The following C16orf87 variants were observed in gnomAD, a reference collection of about 807,000 sequenced individuals.
C16orf87 encodes HDAC and MIER1 interacting protein 1.
Under a neutral mutation model 21.0 loss-of-function variants are expected in C16orf87, and 13 were observed. The observed-to-expected ratio is 0.62, with a 90% CI of 0.40 to 0.98. The LOEUF (loss-of-function observed/expected upper bound fraction) is 0.98. C16orf87 is among the 50% of genes least tolerant of loss of function. The pLI is 0.00. For missense variants in C16orf87, 113 were observed against 180.4 expected, an observed-to-expected ratio of 0.63 and a Z score of 2.14; for synonymous variants, 49 against 60.2, an observed-to-expected ratio of 0.81 and a Z score of 0.86.
chr16:46,829,753 C>T (rs185002622), intron 1 of C16orf87, among the ~76,000 whole-genome samples: 4 of 152,230 alleles, frequency 2.6e-5, no homozygotes, highest in Non-Finnish European at 4.4e-5. Context: ...CACTGTATTT[C>T]TTGCACAACC....
Position 46,799,284 on chromosome 16 carries a change from A to C in C16orf87, c.*3668T>G, listed in dbSNP as rs1329431415. ...GGCAGCACAAAAGAATAATTTAAAA[A>C]AATAGTTCCCTAGAAAATAGATCCT... On this transcript the variant is annotated 3_prime_UTR_variant, in exon 4 of 4. Transcript: ENST00000285697. 2 of 152,218 alleles carry C rather than the reference A, an allele frequency of 1.3e-5. No homozygotes were observed. Among genetic ancestry groups the C allele is most frequent in the African/African-American group, 4.8e-5 (2 of 41,464 alleles). 9.4% of individuals were successfully genotyped at this position (152,218 alleles called of 1,614,324 possible). A position where few individuals can be genotyped will look rare whatever the true frequency, so the allele number is the denominator to read the frequency against.
chr16:46,818,712 T>C (rs914966352), intron 2 of C16orf87, among the ~76,000 whole-genome samples: 3 of 152,186 alleles, frequency 2.0e-5, no homozygotes, highest in Non-Finnish European at 4.4e-5. Context: ...AAATTTGAGA[T>C]AGAGTCTCAC....
Position 46,798,103 on chromosome 16 carries a change from C to T in C16orf87, c.*4849G>A, listed in dbSNP as rs955002123. 4.6e-5 allele frequency: 7 copies of T among 151,882 alleles called. No individual in the cohort carries two copies. The highest frequency in any genetic ancestry group is 1.5e-4 in the African/African-American group (6 of 41,320). 9.4% of individuals were successfully genotyped at this position (151,882 alleles called of 1,614,324 possible). A position where few individuals can be genotyped will look rare whatever the true frequency, so the allele number is the denominator to read the frequency against. On this transcript the variant is annotated 3_prime_UTR_variant, in exon 4 of 4. Transcript: ENST00000285697. ...TTTTAAAATCAATGATCTGAGCTTC[C>T]GCCACAATAAGCTAGAAAAGGGAGC...
Position 46,796,867 on chromosome 16 carries a change from C to G in C16orf87, c.*6085G>C, listed in dbSNP as rs1171520523. 6.6e-6 allele frequency: 1 copy of G among 152,190 alleles called. No individual in the cohort carries two copies. The highest frequency in any genetic ancestry group is 1.5e-5 in the Non-Finnish European group (1 of 68,020). 9.4% of individuals were successfully genotyped at this position (152,190 alleles called of 1,614,324 possible). A position where few individuals can be genotyped will look rare whatever the true frequency, so the allele number is the denominator to read the frequency against. The stretch of plus-strand genomic sequence containing the variant: ...ATCTGATGAAAGGCATAAACTTACA[C>G]ATTTAAGCTCAACAAATCCCAAAGA... On this transcript the variant is annotated 3_prime_UTR_variant, in exon 4 of 4. Transcript: ENST00000285697.
intron 2 of C16orf87, among the ~76,000 whole-genome samples, chr16:46,823,950 G>A (rs2143156009): frequency 6.6e-6 from 1 of 152,314 alleles, no homozygotes; most frequent in Admixed American, 6.5e-5. Flanking sequence ...AAGGGAACTA[G>A]AACACTTTTG....
intron 2 of C16orf87, among the ~76,000 whole-genome samples, chr16:46,819,009 C>A (rs1959305310): frequency 6.6e-6 from 1 of 152,232 alleles, no homozygotes; most frequent in Non-Finnish European, 1.5e-5. Flanking sequence ...TGTAACCTTA[C>A]TTCATCCTCT....
At chr16:46,814,000 A>G (rs1344891289) in intron 2 of C16orf87, among the ~76,000 whole-genome samples, 1 of 152,194 alleles carries the variant, frequency 6.6e-6, no homozygotes, top group African/African-American at 2.4e-5. Flanking sequence ...TAGGACACAC[A>G]TTTACCTTAC....
At chr16:46,828,948 G>T (rs931869747) in intron 1 of C16orf87, among the ~76,000 whole-genome samples, 4 of 152,124 alleles carry the variant, frequency 2.6e-5, no homozygotes, top group Non-Finnish European at 5.9e-5. Flanking sequence ...TTAAGTATTT[G>T]GAATAAAGGA....
chr16:46,814,150 C>T (rs1968175723), intron 2 of C16orf87, among the ~76,000 whole-genome samples: 1 of 152,124 alleles, frequency 6.6e-6, no homozygotes, highest in Non-Finnish European at 1.5e-5. Context: ...AAACTGGCAA[C>T]CTGATGGTTC....
chr16:46,805,951 T>G (rs1967917004), intron 3 of C16orf87, among the ~76,000 whole-genome samples: 1 of 152,232 alleles, frequency 6.6e-6, no homozygotes, highest in Non-Finnish European at 1.5e-5. Context: ...CATGGTATCC[T>G]GGCCGTCAAC....
chr16:46,821,299 AGAATCTGAATCT>A (rs1959405829), intron 2 of C16orf87, among the ~76,000 whole-genome samples: 1 of 152,236 alleles, frequency 6.6e-6, no homozygotes, highest in African/African-American at 2.4e-5. Context: ...AGAAAGGGAC[AGAATCTGAATCT>A]GAAGCCAGGT....
rs1310288128 is a variant in C16orf87 at position 46,799,876 on chromosome 16, C to G, written c.*3076G>C. ...CTGGTCTCAAACTCCTGGCTTCAAA[C>G]AACTCTCCTGCCTTGGCCTCCCAAA... is the stretch of plus-strand genomic sequence containing the variant. On this transcript the variant is annotated 3_prime_UTR_variant, in exon 4 of 4. Transcript: ENST00000285697. 1 of 152,216 alleles carries G rather than the reference C, an allele frequency of 6.6e-6. No homozygotes were observed. The highest frequency in any genetic ancestry group is 1.5e-5 in the Non-Finnish European group (1 of 68,052). 9.4% of individuals were successfully genotyped at this position (152,216 alleles called of 1,614,324 possible). A position where few individuals can be genotyped will look rare whatever the true frequency, so the allele number is the denominator to read the frequency against.
chr16:46,813,205 A>G (rs530412289), intron 2 of C16orf87, among the ~76,000 whole-genome samples: 5 of 152,296 alleles, frequency 3.3e-5, no homozygotes, highest in Non-Finnish European at 7.4e-5. Flanking sequence ...TGAATGTCTC[A>G]AAGGCATTTC....
chr16:46,823,529 C>T (rs934897096), intron 2 of C16orf87, among the ~76,000 whole-genome samples: 5 of 151,994 alleles, frequency 3.3e-5, no homozygotes, highest in Admixed American at 6.6e-5. Context: ...CAAGTTCAAA[C>T]AAAATCATTA....
At chr16:46,822,404 G>A (rs1959451618) in intron 2 of C16orf87, among the ~76,000 whole-genome samples, 1 of 152,136 alleles carries the variant, frequency 6.6e-6, no homozygotes, top group Non-Finnish European at 1.5e-5. Context: ...AATAGCTACC[G>A]AGTGAATCAT....
At chr16:46,828,013 C>T (rs964450152) in intron 1 of C16orf87, among the ~76,000 whole-genome samples, 5 of 151,960 alleles carry the variant, frequency 3.3e-5, no homozygotes, top group African/African-American at 1.2e-4. Context: ...CGGCTCACTG[C>T]AACCTCTGCC....
chr16:46,819,373 C>T (rs1179357926), intron 2 of C16orf87, among the ~76,000 whole-genome samples: 1 of 151,990 alleles, frequency 6.6e-6, no homozygotes, highest in Non-Finnish European at 1.5e-5. Flanking sequence ...GGTGTGAGAC[C>T]TTGTGCCCAG....
In C16orf87 at chr16:46,809,782, T is replaced by A. The variant is rs1247208506; in HGVS notation, c.167A>T (p.Asn56Ile). ...TCGCCTCCTCTTGGCCTCATGCTTG[T>A]TTTCTGTATGGATGAATAAAAGTGA... Reference protein sequence around the residue: ...HSEKSPPSTENKHEAKRRRTE... With the variant: ...HSEKSPPSTEIKHEAKRRRTE... The change falls in exon 3 of 4, where the codon AAC becomes ATC. Residue 56 changes from asparagine (N) to isoleucine (I), a missense_variant. Transcript: ENST00000285697. The A allele has an allele frequency of 9.4e-6, 15 of 1,596,438 alleles. No homozygotes were observed. The highest frequency in any genetic ancestry group is 1.1e-5 in the Non-Finnish European group (13 of 1,167,122).
intron 2 of C16orf87, among the ~76,000 whole-genome samples, chr16:46,819,745 C>T (rs988076323): frequency 2.0e-5 from 3 of 151,226 alleles, no homozygotes; most frequent in African/African-American, 7.3e-5. Context: ...GAGGCCGAGG[C>T]GGGCGGATTA....
Sources: gnomAD v4.1 joint callset for allele counts (sites outside exome capture counted in the v4.1 genomes callset) on GRCh38, gnomAD v4.1.1 for gene constraint, MANE v1.5 for transcripts, NCBI Gene and HGNC (gene_info 2026-07-23, HGNC 2026-07-21) for gene names.